MCM10: variants seen among roughly 807,000 people sequenced by gnomAD.
MCM10 encodes protein MCM10 homolog.
A neutral mutation model predicts 109.9 loss-of-function variants in MCM10; 91 were observed. The ratio of observed to expected loss-of-function variants is 0.83; its 90% confidence interval spans 0.70 to 0.99. The LOEUF (loss-of-function observed/expected upper bound fraction) is 0.99. Ranked by LOEUF, MCM10 falls within the 50% of genes least tolerant of loss-of-function variation. The probability of loss-of-function intolerance (pLI) is 0.00; values close to 1 mark genes in which losing one functional copy is unlikely to be tolerated. For missense variants in MCM10, 1,077 were observed against 1,061.2 expected (o/e 1.01, Z -0.21); for synonymous variants, 380 against 387.2 (o/e 0.98, Z 0.22).
At chr10:13,183,565 A>G (rs911144751) in intron 8 of MCM10, among the ~76,000 whole-genome samples, 6 of 152,212 alleles carry the variant, frequency 3.9e-5, no homozygotes, top group African/African-American at 1.2e-4. Context: ...ACCCATCAGT[A>G]TTCTGAATTT....
In MCM10 at chr10:13,209,624, T is replaced by C. The variant is rs188593537; in HGVS notation, c.*314T>C. ...CAGAGAGCTATGTTTCTGTATCTTT[T>C]GGTTATAGAGTGTTCACTTCTTTAT... On this transcript the variant is annotated 3_prime_UTR_variant, in exon 20 of 20. Transcript: ENST00000378714. 8.8e-4 allele frequency: 344 copies of C among 392,114 alleles called. No homozygotes were observed. Among genetic ancestry groups the C allele is most frequent in the Non-Finnish European group, 1.3e-3 (270 of 214,536 alleles). 24.3% of individuals were successfully genotyped at this position (392,114 alleles called of 1,614,324 possible).
At chr10:13,196,994 A>G (rs1834430146) in intron 14 of MCM10, among the ~76,000 whole-genome samples, 1 of 152,006 alleles carries the variant, frequency 6.6e-6, no homozygotes, top group African/African-American at 2.4e-5. Context: ...GTGCAATCAC[A>G]GCTCACTGAA....
chr10:13,167,601 G>T (rs1423549454), intron 2 of MCM10, among the ~76,000 whole-genome samples: 2 of 151,862 alleles, frequency 1.3e-5, no homozygotes, highest in Non-Finnish European at 2.9e-5. Flanking sequence ...GGGCATGCAT[G>T]ATACACATAT....
At chr10:13,185,054 G>A (rs1314617230) in intron 8 of MCM10, among the ~76,000 whole-genome samples, 2 of 152,132 alleles carry the variant, frequency 1.3e-5, no homozygotes, top group Non-Finnish European at 1.5e-5. Context: ...ATGCATCCGG[G>A]AGACAAAGCA....
intron 10 of MCM10, among the ~76,000 whole-genome samples, chr10:13,190,781 T>C (rs1160822952): frequency 6.6e-6 from 1 of 151,870 alleles, no homozygotes; most frequent in Non-Finnish European, 1.5e-5. Context: ...TAAAATGAGA[T>C]CATATTGTTC....
chr10:13,192,908 C>T (rs905319552), intron 13 of MCM10, among the ~76,000 whole-genome samples: 3 of 150,908 alleles, frequency 2.0e-5, no homozygotes, highest in Non-Finnish European at 4.4e-5. Context: ...TTTTCTGAGA[C>T]GGGTTTTCAC....
At chr10:13,186,516 T>G (rs1834276369) in intron 9 of MCM10, among the ~76,000 whole-genome samples, 1 of 152,174 alleles carries the variant, frequency 6.6e-6, no homozygotes, top group Non-Finnish European at 1.5e-5. Context: ...ACCAAGAAGT[T>G]TAAGACAGAA....
At chr10:13,195,760 A>G (rs1033657098) in intron 14 of MCM10, among the ~76,000 whole-genome samples, 14 of 151,358 alleles carry the variant, frequency 9.2e-5, no homozygotes, top group African/African-American at 1.7e-4. Flanking sequence ...ACAGGCGCCT[A>G]CCACCACGCC....
intron 14 of MCM10, 129 bp from the exon 15 acceptor site, chr10:13,197,494 A>G: frequency 1.4e-6 from 1 of 724,038 alleles, no homozygotes. Flanking sequence ...TAAAATTAAG[A>G]TATGTTCTGC....
At chr10:13,188,719 G>A (rs1834306462) in intron 9 of MCM10, among the ~76,000 whole-genome samples, 162 bp from the exon 10 acceptor site, 2 of 152,202 alleles carry the variant, frequency 1.3e-5, no homozygotes, top group Non-Finnish European at 2.9e-5. Flanking sequence ...CTTCCCCTCA[G>A]GGACTGAGCA....
chr10:13,200,893 C>G (rs939562433), intron 16 of MCM10, among the ~76,000 whole-genome samples: 1 of 152,192 alleles, frequency 6.6e-6, no homozygotes, highest in African/African-American at 2.4e-5. Flanking sequence ...GCCTGTAATC[C>G]TAGCACTTTG....
At chr10:13,171,880 A>G (rs866741826) in intron 3 of MCM10, among the ~76,000 whole-genome samples, 2 of 151,632 alleles carry the variant, frequency 1.3e-5, no homozygotes, top group Non-Finnish European at 2.9e-5. Context: ...TCTTCCTGCC[A>G]CAGCCTCCCT....
intron 18 of MCM10, among the ~76,000 whole-genome samples, chr10:13,205,246 A>G (rs1834564473): frequency 6.6e-6 from 1 of 151,616 alleles, no homozygotes; most frequent in South Asian, 2.1e-4. Context: ...TTGCATACAC[A>G]TGTTAGCTTC....
chr10:13,192,421 G>T, intron 12 of MCM10, 30 bp from the exon 13 acceptor site: 1 of 1,613,170 alleles, frequency 6.2e-7, no homozygotes, highest in South Asian at 1.1e-5. Context: ...GCCTCCCAGG[G>T]CACCCCCTCA....
chr10:13,171,378 TAAAAAAAG>T lies in MCM10; in HGVS notation c.349+127_349+134del, dbSNP rs558653748. ...TCAAGGGTAGAGATAAATGACTTTG[TAAAAAAAG>T]AAAAAAAGAAAGAAAATTATATGAG... is the stretch of plus-strand genomic sequence containing the variant. On this transcript the variant is annotated intron_variant, in intron 3 of 19. Coordinates refer to ENST00000378714, the MANE Select transcript of MCM10 (RefSeq NM_018518.5). 569 of 1,027,766 alleles carry T rather than the reference TAAAAAAAG, an allele frequency of 5.5e-4. 6 individuals are homozygous for T. In the Admixed American group the frequency reaches 0.012, roughly 21 times the overall value. 63.7% of individuals were successfully genotyped at this position (1,027,766 alleles called of 1,614,324 possible). A position where few individuals can be genotyped will look rare whatever the true frequency, so the allele number is the denominator to read the frequency against.
At chr10:13,200,318 G>A (rs1027504935) in intron 16 of MCM10, among the ~76,000 whole-genome samples, 19 of 152,140 alleles carry the variant, frequency 1.2e-4, no homozygotes, top group Admixed American at 6.5e-5. Context: ...GCAATCCTTG[G>A]TTGTGTCGGT....
rs1485657853 is a variant in MCM10 at position 13,191,208 on chromosome 10, T to C, written c.1416-91T>C. 6.0e-6 allele frequency: 5 copies of C among 828,254 alleles called. No homozygotes were observed. The Admixed American group carries it at 9.9e-5, about 16-fold the overall frequency. 51.3% of individuals were successfully genotyped at this position (828,254 alleles called of 1,614,324 possible). A position where few individuals can be genotyped will look rare whatever the true frequency, so the allele number is the denominator to read the frequency against. ...TGTTTTGAGAAACTTTGACGGTGTG[T>C]GTAATAAATGATGATATCTATGCCT... On this transcript the variant is annotated intron_variant, in intron 10 of 19. Transcript: ENST00000378714.
At chr10:13,174,503 C>T (rs1227165164) in intron 5 of MCM10, among the ~76,000 whole-genome samples, 1 of 152,158 alleles carries the variant, frequency 6.6e-6, no homozygotes, top group Non-Finnish European at 1.5e-5. Context: ...CGCCAGTGCT[C>T]TGTATCTTGA....
chr10:13,171,385 A>AT (rs1834071584), intron 3 of MCM10, 122 bp downstream of exon 3: 1 of 946,284 alleles, frequency 1.1e-6, no homozygotes. Flanking sequence ...TTGTAAAAAA[A>AT]GAAAAAAAGA....
Sources: gnomAD v4.1 joint callset for allele counts (sites outside exome capture counted in the v4.1 genomes callset) on GRCh38, gnomAD v4.1.1 for gene constraint, MANE v1.5 for transcripts, NCBI Gene and HGNC (gene_info 2026-07-23, HGNC 2026-07-21) for gene names.